TSPAN32: variants seen among roughly 807,000 people sequenced by gnomAD.
TSPAN32 encodes tetraspanin-32.
A neutral mutation model predicts 42.7 loss-of-function variants in TSPAN32; 47 were observed. That is an observed-to-expected ratio of 1.10 (90% CI 0.87 to 1.40). TSPAN32 has a LOEUF of 1.40. TSPAN32 is among the 40% of genes most tolerant of loss of function. TSPAN32 has a pLI of 0.00. For missense variants in TSPAN32, 469 were observed against 424.1 expected (o/e 1.11, Z -0.93); for synonymous variants, 175 against 175.9 (o/e 0.99, Z 0.04).
At chr11:2,309,242 G>C in intron 4 of TSPAN32, 1 of 433,150 alleles carries the variant, frequency 2.3e-6, no homozygotes, top group Non-Finnish European at 5.0e-6. Context: ...GGCCTGGTGG[G>C]GCAGACGGTA....
intron 4 of TSPAN32, among the ~76,000 whole-genome samples, chr11:2,312,047 G>GCAGGCAGGGCAGGCAGAGC (rs377377630): frequency 0.018 from 2,737 of 149,238 alleles, 67 homozygotes; most frequent in African/African-American, 0.056. Context: ...GGCAGGCAGG[G>GCAGGCAGGGCAGGCAGAGC]CAGGCAGGGC....
chr11:2,308,397 C>A (rs552985102), intron 3 of TSPAN32, among the ~76,000 whole-genome samples: 3 of 144,150 alleles, frequency 2.1e-5, no homozygotes, highest in Non-Finnish European at 3.1e-5. Flanking sequence ...CCCCCACCCC[C>A]GCAGTGACCA....
Position 2,302,166 on chromosome 11 carries a change from G to C in TSPAN32, c.17G>C (p.Arg6Pro), listed in dbSNP as rs148861275. 1 of 1,425,956 alleles carries C rather than the reference G, an allele frequency of 7.0e-7. No individual in the cohort carries two copies. 88.3% of individuals were successfully genotyped at this position (1,425,956 alleles called of 1,614,324 possible). ...GGAACCGTCATGGGGCCTTGGAGTC[G>C]AGTCAGGGTTGCCAAATGCCAGATG... MGPWSRVRVAKCQMLV... is the reference protein window; with the variant it reads MGPWSPVRVAKCQMLV... The change falls in exon 1 of 10, where the codon CGA becomes CCA. Residue 6 changes from arginine to proline, a missense_variant. Physicochemically the swap from Arg to Pro is moderately radical, Grantham distance 103 (BLOSUM62 -2). Coordinates refer to ENST00000182290, the MANE Select transcript of TSPAN32 (RefSeq NM_139022.3).
rs748756803 is a variant in TSPAN32, at chr11:2,313,607, C to T, written c.355-47C>T. 2.9e-5 allele frequency: 43 copies of T among 1,490,424 alleles called. No individual in the cohort carries two copies. Among genetic ancestry groups the T allele is most frequent in the South Asian group, 2.4e-4 (20 of 83,252 alleles). 92.3% of individuals were successfully genotyped at this position (1,490,424 alleles called of 1,614,324 possible). On this transcript the variant is annotated intron_variant, in intron 4 of 9. Coordinates refer to ENST00000182290, the MANE Select transcript of TSPAN32 (RefSeq NM_139022.3). This position sits in a 1 kb window ranked among gnomAD's most constrained non-coding sequence, Gnocchi z 9.1. ...TGTCGTGGGGAGGGGGCTGTGTCCCCGGATCTCCCACCAGGGCCAGGACCT... is the reference window on the plus strand; with the variant it reads ...TGTCGTGGGGAGGGGGCTGTGTCCCTGGATCTCCCACCAGGGCCAGGACCT...
At position 2,306,046 on chromosome 11, in the gene TSPAN32, C is replaced by CTG. The variant is rs56961357; in HGVS notation, c.279+1866_279+1867dup. The stretch of plus-strand genomic sequence containing the variant: ...TGTGTGTGTGCGTGTGCAGGTGCCT[C>CTG]TGTGTGTGTGTGTGTGTGTGTGTGT... On this transcript the variant is annotated intron_variant, in intron 3 of 9. Transcript: ENST00000182290. 2.9e-3 allele frequency among the ~76,000 whole-genome samples: 432 copies of CTG among 147,328 alleles called. 1 individual carries two copies. The highest frequency in any genetic ancestry group is 7.1e-3 in the African/African-American group (282 of 39,686).
At position 2,313,821 on chromosome 11, in the gene TSPAN32, G is replaced by A; in HGVS notation, c.456+66G>A. ...TGCTTGGACTGCAGTTCAGAGAACAGGCGCAGGGTGGCCAGTGAGAGGTCT... is the reference window on the plus strand; with the variant it reads ...TGCTTGGACTGCAGTTCAGAGAACAAGCGCAGGGTGGCCAGTGAGAGGTCT... On this transcript the variant is annotated intron_variant, in intron 5 of 9. Coordinates refer to ENST00000182290, the MANE Select transcript of TSPAN32 (RefSeq NM_139022.3). The surrounding 1 kb of genome is among the most constrained non-coding windows in gnomAD (Gnocchi z 9.1). 7.8e-7 allele frequency: 1 copy of A among 1,287,636 alleles called. No homozygotes were observed. Among genetic ancestry groups the A allele is most frequent in the Non-Finnish European group, 1.1e-6 (1 of 924,300 alleles). The allele number at this position is 1,287,636 out of a possible 1,614,324, so 79.8% of individuals were successfully genotyped here.
chr11:2,310,829 C>G (rs902635442), intron 4 of TSPAN32, among the ~76,000 whole-genome samples: 10 of 152,208 alleles, frequency 6.6e-5, no homozygotes, highest in Admixed American at 2.0e-4. Context: ...CGAAGCTGTC[C>G]TGGGTGTGGA....
In TSPAN32 at chr11:2,308,769, C is replaced by T; in HGVS notation, c.313C>T (p.Gln105Ter). The stretch of plus-strand genomic sequence containing the variant: ...GTGCTTCTCCCTGGCGTTCTGCGCA[C>T]AGGTGCAGGTGGTGTTCTGGAGACT... ...FLCFSLAFCA[Q>*]VQVVFWRLHS... Residue 105 changes from glutamine (Q) to a stop codon, truncating the protein, a stop_gained, in exon 4 of 10, where the codon CAG (glutamine) becomes TAG (stop). Transcript: ENST00000182290. LOFTEE classifies it high-confidence loss of function. 6.4e-7 allele frequency: 1 copy of T among 1,573,702 alleles called. No individual in the cohort carries two copies.
At chr11:2,307,360 C>G (rs1848179906) in intron 3 of TSPAN32, among the ~76,000 whole-genome samples, 1 of 152,184 alleles carries the variant, frequency 6.6e-6, no homozygotes, top group Admixed American at 6.5e-5. Context: ...TTTGAAGGGC[C>G]CAGACCCAAC....
rs1329881334 is a variant in TSPAN32 at position 2,302,889 on chromosome 11, G to T, written c.112G>T (p.Gly38Trp). The T allele has an allele frequency of 6.2e-7, 1 of 1,613,632 alleles. No homozygotes were observed. Among genetic ancestry groups the T allele is most frequent in the Middle Eastern group, 1.7e-4 (1 of 6,058 alleles). ...CACCATGGTGACTCTTACCTACTTC[G>T]GGGCCCACTTTGCTGTCATCCGCCG... ...VATMVTLTYFGAHFAVIRRAS... is the reference protein window; with the variant it reads ...VATMVTLTYFWAHFAVIRRAS... The change falls in exon 2 of 10, where the codon GGG becomes TGG. Residue 38 changes from glycine to tryptophan, a missense_variant. Gly to Trp is a radical substitution (Grantham distance 184). Coordinates refer to ENST00000182290, the MANE Select transcript of TSPAN32 (RefSeq NM_139022.3).
At position 2,302,974 on chromosome 11, in the gene TSPAN32, G is replaced by T. The variant is rs777841962; in HGVS notation, c.181+16G>T. On this transcript the variant is annotated intron_variant, in intron 2 of 9. Coordinates refer to ENST00000182290, the MANE Select transcript of TSPAN32 (RefSeq NM_139022.3). ...CACCAATGGGGTAAGTGAGGTCCAG[G>T]CCTGGCTGCATCGGGAGGGGCCTCG... 2 of 1,606,816 alleles carry T rather than the reference G, an allele frequency of 1.2e-6. No homozygotes were observed. The highest frequency in any genetic ancestry group is 2.2e-5 in the South Asian group (2 of 90,838).
chr11:2,302,750 A>C, intron 1 of TSPAN32, 94 bp from the exon 2 acceptor site: 1 of 957,924 alleles, frequency 1.0e-6, no homozygotes, highest in Non-Finnish European at 1.6e-6. Context: ...GGGACCGGGA[A>C]GCTGGAGAGA....
At chr11:2,309,636 C>T in intron 4 of TSPAN32, 1 of 288,316 alleles carries the variant, frequency 3.5e-6, no homozygotes, top group South Asian at 3.0e-5. Context: ...GTCCTAGTGG[C>T]CTCGTGTATT....
rs1449724259 is a variant in TSPAN32, at chr11:2,304,066, C to T, written c.182-41C>T. 2 of 1,498,360 alleles carry T rather than the reference C, an allele frequency of 1.3e-6. No homozygotes were observed. The highest frequency in any genetic ancestry group is 2.8e-5 in the African/African-American group (2 of 71,998). The allele number at this position is 1,498,360 out of a possible 1,614,324, so 92.8% of individuals were successfully genotyped here. A position where few individuals can be genotyped will look rare whatever the true frequency, so the allele number is the denominator to read the frequency against. On this transcript the variant is annotated intron_variant, in intron 2 of 9. Transcript: ENST00000182290. This position sits in a 1 kb window ranked among gnomAD's most constrained non-coding sequence, Gnocchi z 4.8. ...CAGGCTGTGTGCACTCAGGACCTGT[C>T]CTGGGCACCCCTAACCCTCCTCCTC... is the stretch of plus-strand genomic sequence containing the variant.
intron 6 of TSPAN32, chr11:2,315,536 G>A (rs543223090): frequency 2.3e-5 from 27 of 1,161,866 alleles, no homozygotes; most frequent in African/African-American, 2.2e-4. Context: ...CTGGGGAGCC[G>A]GAAGAGCCAG....
Position 2,308,148 on chromosome 11 carries a change from TG to T in TSPAN32, c.280-583del, listed in dbSNP as rs534835947. ...TGCAGTGTTGCCATCAACAGGCCCC[TG>T]GGGGCCAAAATGGGAGAACAAGGGA... On this transcript the variant is annotated intron_variant, in intron 3 of 9. Transcript: ENST00000182290. 3.1e-4 allele frequency among the ~76,000 whole-genome samples: 47 copies of T among 152,092 alleles called. No homozygotes were observed. In the South Asian group the frequency reaches 9.8e-3, roughly 32 times the overall value.
intron 2 of TSPAN32, 112 bp from the exon 3 acceptor site, chr11:2,303,995 C>G (rs1391553288): frequency 1.3e-6 from 1 of 775,578 alleles, no homozygotes; most frequent in Admixed American, 2.2e-5. Flanking sequence ...TCAGAGCCCC[C>G]CAGGAGTCCC....
chr11:2,310,522 C>T (rs1848402135), intron 4 of TSPAN32, among the ~76,000 whole-genome samples: 1 of 152,214 alleles, frequency 6.6e-6, no homozygotes, highest in Non-Finnish European at 1.5e-5. Context: ...CCTCTGGTCC[C>T]CATCTGCCCC....
Position 2,314,384 on chromosome 11 carries a change from C to A in TSPAN32, c.457-101C>A, listed in dbSNP as rs1848655907. 3.2e-6 allele frequency: 3 copies of A among 946,836 alleles called. No individual in the cohort carries two copies. The Admixed American group carries it at 6.0e-5, about 19-fold the overall frequency. The allele number at this position is 946,836 out of a possible 1,614,324, so 58.7% of individuals were successfully genotyped here. A position where few individuals can be genotyped will look rare whatever the true frequency, so the allele number is the denominator to read the frequency against. On this transcript the variant is annotated intron_variant, in intron 5 of 9. Transcript: ENST00000182290. ...AGCCCCAGCCCTGGCCTGCAGGGAA[C>A]CCCACCTGGATACTTGTGGTGCCTC...
Sources: gnomAD v4.1 joint callset for allele counts (sites outside exome capture counted in the v4.1 genomes callset) on GRCh38, gnomAD v4.1.1 for gene constraint, Gnocchi (gnomAD v3.1) non-coding constraint, MANE v1.5 for transcripts, NCBI Gene and HGNC (gene_info 2026-07-23, HGNC 2026-07-21) for gene names.